VPS13B: variants seen among roughly 807,000 people sequenced by gnomAD.
The protein encoded by VPS13B is vacuolar protein sorting 13 homolog B.
VPS13B carries 285 observed loss-of-function variants against 426.4 expected under a neutral mutation model. The ratio of observed to expected loss-of-function variants is 0.67; its 90% confidence interval spans 0.61 to 0.74. VPS13B has a LOEUF of 0.74. Among genes scored for constraint, VPS13B ranks in the 30% least tolerant of loss-of-function variants. The pLI, the probability that VPS13B is intolerant of heterozygous loss-of-function variation, is 0.00. For missense variants in VPS13B, 4,537 were observed against 4,782.6 expected, an observed-to-expected ratio of 0.95 and a Z score of 1.51; for synonymous variants, 1,676 against 1,676.4, an observed-to-expected ratio of 1.00 and a Z score of 0.01.
At chr8:99,323,235 C>T (rs193294912) in intron 19 of VPS13B, among the ~76,000 whole-genome samples, 3 of 152,240 alleles carry the variant, frequency 2.0e-5, no homozygotes, top group East Asian at 1.9e-4. Flanking sequence ...AGCTGCATGA[C>T]GGTAATTACA....
chr8:99,697,426 G>A (rs1023253824), intron 35 of VPS13B: 4 of 678,016 alleles, frequency 5.9e-6, no homozygotes, highest in Non-Finnish European at 1.1e-5. Context: ...TAGAGAGCTT[G>A]AAGGAGAAGG....
intron 25 of VPS13B, among the ~76,000 whole-genome samples, chr8:99,482,464 T>A (rs1218452039): frequency 6.6e-6 from 1 of 152,224 alleles, no homozygotes; most frequent in East Asian, 1.9e-4. Context: ...TACAGTATTA[T>A]GTACTTCAAT....
intron 29 of VPS13B, among the ~76,000 whole-genome samples, chr8:99,516,669 T>A (rs1822086826): frequency 6.6e-6 from 1 of 151,296 alleles, no homozygotes; most frequent in Admixed American, 6.6e-5. Flanking sequence ...GGGCTTGTAG[T>A]CCCAGCTACT....
chr8:99,093,913 A>G (rs1846300130), intron 3 of VPS13B: 1 of 152,218 alleles, frequency 6.6e-6, no homozygotes, highest in Non-Finnish European at 1.5e-5. Context: ...GAATCTCTGA[A>G]TAGACCTTTA....
intron 17 of VPS13B, among the ~76,000 whole-genome samples, chr8:99,271,215 CTA>C (rs1818580042): frequency 6.7e-6 from 1 of 149,792 alleles, no homozygotes; most frequent in African/African-American, 2.5e-5. Context: ...ACTACTACTA[CTA>C]CTACTACTAC....
intron 21 of VPS13B, among the ~76,000 whole-genome samples, chr8:99,416,576 C>T (rs1196840836): frequency 3.9e-5 from 6 of 152,176 alleles, no homozygotes; most frequent in Admixed American, 6.5e-5. Context: ...ACCAGGTCTG[C>T]GGGTTGTGAA....
intron 3 of VPS13B, among the ~76,000 whole-genome samples, chr8:99,060,871 A>G (rs1439554929): frequency 1.3e-5 from 2 of 152,110 alleles, no homozygotes; most frequent in South Asian, 2.1e-4. Context: ...TAGTCTGTCA[A>G]CTATTTTAAG....
chr8:99,743,465 A>G (rs540497139), intron 39 of VPS13B, among the ~76,000 whole-genome samples: 1 of 152,268 alleles, frequency 6.6e-6, no homozygotes, highest in South Asian at 2.1e-4. Flanking sequence ...AGAATTGGAA[A>G]AAACTACTTT....
chr8:99,590,921 A>G (rs1826621589), intron 33 of VPS13B, among the ~76,000 whole-genome samples: 2 of 152,042 alleles, frequency 1.3e-5, no homozygotes, highest in African/African-American at 4.8e-5. Flanking sequence ...GATCTCTCTA[A>G]TATTGATAGT....
intron 17 of VPS13B, among the ~76,000 whole-genome samples, chr8:99,234,658 T>G (rs1816543679): frequency 6.6e-6 from 1 of 152,240 alleles, no homozygotes. Context: ...TTTTTCTAAG[T>G]CAAAATGTTC....
chr8:99,128,984 A>C (rs1420708382), intron 8 of VPS13B, among the ~76,000 whole-genome samples: 1 of 152,148 alleles, frequency 6.6e-6, no homozygotes, highest in East Asian at 1.9e-4. Flanking sequence ...CTAAAAAAAA[A>C]AATTTACAAA....
intron 25 of VPS13B, among the ~76,000 whole-genome samples, chr8:99,490,964 G>T (rs930331007): frequency 3.9e-5 from 6 of 151,958 alleles, no homozygotes; most frequent in African/African-American, 1.4e-4. Flanking sequence ...TTTGTTTGCT[G>T]TTGCTTCTCT....
intron 21 of VPS13B, among the ~76,000 whole-genome samples, chr8:99,409,012 G>A (rs562556075): frequency 2.6e-4 from 40 of 152,234 alleles, no homozygotes; most frequent in African/African-American, 9.4e-4. Flanking sequence ...ACTCAACATA[G>A]CAGAATTCAT....
chr8:99,854,328 T>G, intron 56 of VPS13B, 72 bp downstream of exon 56: 2 of 1,521,136 alleles, frequency 1.3e-6, no homozygotes, highest in Non-Finnish European at 1.8e-6. Flanking sequence ...GGGTAGCACC[T>G]CATTTCAAGA....
At chr8:99,771,286 A>T (rs1399057451) in intron 40 of VPS13B, among the ~76,000 whole-genome samples, 1 of 152,188 alleles carries the variant, frequency 6.6e-6, no homozygotes, top group Non-Finnish European at 1.5e-5. Flanking sequence ...ATATTAAAGC[A>T]TGTGAGAGCA....
chr8:99,673,445 A>G (rs899682011), intron 35 of VPS13B, among the ~76,000 whole-genome samples: 2 of 151,902 alleles, frequency 1.3e-5, no homozygotes, highest in African/African-American at 4.8e-5. Context: ...GATTCTTTGT[A>G]TCAGTTGTAA....
chr8:99,753,455 A>C (rs1810494164), intron 39 of VPS13B, among the ~76,000 whole-genome samples: 1 of 152,244 alleles, frequency 6.6e-6, no homozygotes. Flanking sequence ...AAATGAGACT[A>C]AAACATAATA....
At chr8:99,513,942 C>T (rs567446752) in intron 29 of VPS13B, among the ~76,000 whole-genome samples, 34 of 152,278 alleles carry the variant, frequency 2.2e-4, no homozygotes, top group Middle Eastern at 6.8e-3. Context: ...TCAAAATTTG[C>T]TCATTTGTCT....
intron 40 of VPS13B, among the ~76,000 whole-genome samples, chr8:99,767,747 G>T (rs1000392447): frequency 6.6e-6 from 1 of 152,052 alleles, no homozygotes; most frequent in African/African-American, 2.4e-5. Flanking sequence ...TGGGCAATGT[G>T]GTGAAACCCC....
Sources: allele counts gnomAD v4.1 joint callset (sites outside exome capture counted in the v4.1 genomes callset), GRCh38; gene constraint gnomAD v4.1.1; transcripts MANE v1.5; gene names NCBI Gene and HGNC (gene_info 2026-07-23, HGNC 2026-07-21).